The following PTPRD variants were observed in gnomAD, a reference collection of about 807,000 sequenced individuals.
The protein encoded by PTPRD is protein tyrosine phosphatase receptor type D.
A neutral mutation model predicts 214.5 loss-of-function variants in PTPRD; 34 were observed. That is an observed-to-expected ratio of 0.16 (90% CI 0.12 to 0.21). The LOEUF (loss-of-function observed/expected upper bound fraction) is 0.21, where lower values mean the gene tolerates loss of function less well. PTPRD is among the 10% of genes least tolerant of loss of function. The probability of loss-of-function intolerance (pLI) is 1.00; values close to 1 mark genes in which losing one functional copy is unlikely to be tolerated. For synonymous variants in PTPRD, 1,128 were observed against 845.7 expected (o/e 1.33, Z -5.79); for missense variants, 2,545 against 2,398.7 (o/e 1.06, Z -1.27).
intron 8 of PTPRD, among the ~76,000 whole-genome samples, chr9:9,427,763 T>A (rs955462483): frequency 6.6e-6 from 1 of 152,182 alleles, no homozygotes; most frequent in South Asian, 2.1e-4. Flanking sequence ...CTACTCAACA[T>A]GCTTAAAGAA....
At chr9:10,418,321 C>A (rs973386393) in intron 2 of PTPRD, among the ~76,000 whole-genome samples, 1 of 151,418 alleles carries the variant, frequency 6.6e-6, no homozygotes, top group African/African-American at 2.4e-5. Context: ...TACACTTCGC[C>A]CTTGGTTAAT....
At chr9:8,749,040 C>A (rs1028141886) in intron 11 of PTPRD, among the ~76,000 whole-genome samples, 6 of 151,892 alleles carry the variant, frequency 4.0e-5, no homozygotes, top group African/African-American at 9.7e-5. Flanking sequence ...ATTTACTATG[C>A]TACTAATGAA....
At chr9:10,500,316 A>G (rs1446356853) in intron 2 of PTPRD, among the ~76,000 whole-genome samples, 1 of 151,880 alleles carries the variant, frequency 6.6e-6, no homozygotes, top group Non-Finnish European at 1.5e-5. Context: ...AAAAAAATGC[A>G]TACTCTTTTT....
chr9:10,188,513 G>C (rs765618487), intron 3 of PTPRD, among the ~76,000 whole-genome samples: 1 of 150,738 alleles, frequency 6.6e-6, no homozygotes, highest in Non-Finnish European at 1.5e-5. Context: ...TAGTCTTCTT[G>C]GAAATAACTA....
At chr9:10,406,135 C>T (rs2098353653) in intron 2 of PTPRD, among the ~76,000 whole-genome samples, 1 of 151,028 alleles carries the variant, frequency 6.6e-6, no homozygotes. Context: ...AAAATATTTT[C>T]TCGGCTAGAG....
chr9:8,485,623 G>C, intron 28 of PTPRD, 139 bp downstream of exon 28: 1 of 813,754 alleles, frequency 1.2e-6, no homozygotes. Context: ...GACGTAGTAA[G>C]TTTTACATAC....
At chr9:9,217,195 G>A (rs74528406) in intron 9 of PTPRD, among the ~76,000 whole-genome samples, 6,845 of 152,136 alleles carry the variant, frequency 0.045, 410 homozygotes, top group African/African-American at 0.13. Flanking sequence ...TCTTCCTAAT[G>A]TTGGGGATCC....
chr9:8,972,749 A>G (rs561396392), intron 11 of PTPRD, among the ~76,000 whole-genome samples: 1 of 152,066 alleles, frequency 6.6e-6, no homozygotes, highest in Admixed American at 6.6e-5. Flanking sequence ...CCAAGTACAG[A>G]CTTTTGTTTT....
chr9:9,442,917 C>A (rs993794478), intron 8 of PTPRD, among the ~76,000 whole-genome samples: 1 of 152,036 alleles, frequency 6.6e-6, no homozygotes, highest in Non-Finnish European at 1.5e-5. Flanking sequence ...CATTTTTATC[C>A]ATACATGTAA....
chr9:9,554,030 C>T (rs1265034055), intron 8 of PTPRD, among the ~76,000 whole-genome samples: 1 of 151,922 alleles, frequency 6.6e-6, no homozygotes, highest in Non-Finnish European at 1.5e-5. Context: ...AGAATTGATG[C>T]CATTTATGAA....
chr9:8,366,951 G>A (rs1436049517), intron 39 of PTPRD, among the ~76,000 whole-genome samples: 1 of 152,220 alleles, frequency 6.6e-6, no homozygotes, highest in African/African-American at 2.4e-5. Flanking sequence ...CTTCTTGGCA[G>A]TAGAGTTAAA....
chr9:9,091,313 T>A (rs1048791701), intron 10 of PTPRD: 209 of 997,280 alleles, frequency 2.1e-4, no homozygotes, highest in South Asian at 4.9e-4. Context: ...AATTGTACTT[T>A]AAAAAAAAAA....
chr9:8,330,214 C>T (rs1838651452), intron 44 of PTPRD, among the ~76,000 whole-genome samples: 2 of 152,116 alleles, frequency 1.3e-5, no homozygotes, highest in African/African-American at 4.8e-5. Context: ...ACCCACTGTC[C>T]AACCAGTCCC....
At chr9:9,738,617 T>C (rs2098343359) in intron 6 of PTPRD, among the ~76,000 whole-genome samples, 1 of 151,806 alleles carries the variant, frequency 6.6e-6, no homozygotes, top group Admixed American at 6.6e-5. Flanking sequence ...AATTTTTGTA[T>C]TTTTAGTAGA....
chr9:8,653,787 C>T (rs941705743), intron 12 of PTPRD, among the ~76,000 whole-genome samples: 1 of 152,186 alleles, frequency 6.6e-6, no homozygotes, highest in Non-Finnish European at 1.5e-5. Context: ...TGGCAAGTCA[C>T]ATCCTATTCA....
chr9:8,554,709 G>C (rs961553740), intron 14 of PTPRD, among the ~76,000 whole-genome samples: 3 of 152,164 alleles, frequency 2.0e-5, no homozygotes, highest in African/African-American at 4.8e-5. Flanking sequence ...CCTGGGATAA[G>C]AATTCATTCA....
intron 11 of PTPRD, among the ~76,000 whole-genome samples, chr9:8,862,489 G>A (rs1279402924): frequency 6.6e-6 from 1 of 152,160 alleles, no homozygotes; most frequent in Non-Finnish European, 1.5e-5. Context: ...CAGTAACATT[G>A]CATGCTTAGG....
At chr9:9,962,394 A>C (rs764881874) in intron 4 of PTPRD, among the ~76,000 whole-genome samples, 10 of 152,136 alleles carry the variant, frequency 6.6e-5, no homozygotes, top group Non-Finnish European at 1.5e-4. Flanking sequence ...TTGATTTCCT[A>C]TCTATCCAGC....
intron 8 of PTPRD, among the ~76,000 whole-genome samples, chr9:9,448,701 C>A (rs1460305152): frequency 6.6e-6 from 1 of 151,948 alleles, no homozygotes; most frequent in African/African-American, 2.4e-5. Flanking sequence ...CTTACATGGG[C>A]ATGATATTTA....
Sources: gnomAD v4.1 joint callset for allele counts (sites outside exome capture counted in the v4.1 genomes callset) on GRCh38, gnomAD v4.1.1 for gene constraint, MANE v1.5 for transcripts, NCBI Gene and HGNC (gene_info 2026-07-23, HGNC 2026-07-21) for gene names.